MICALL1: variants seen among roughly 807,000 people sequenced by gnomAD.
MICALL1 encodes the protein MICAL like 1, also known as MICAL-like protein 1.
Under a neutral mutation model 83.7 loss-of-function variants are expected in MICALL1, and 61 were observed. The ratio of observed to expected loss-of-function variants is 0.73; its 90% confidence interval spans 0.59 to 0.90. The LOEUF is 0.90. Ranked by LOEUF, MICALL1 falls within the 40% of genes least tolerant of loss-of-function variation. MICALL1 has a pLI of 0.00. For missense variants in MICALL1, 1,066 were observed against 1,152.0 expected (o/e 0.93, Z 1.08); for synonymous variants, 481 against 473.6 (o/e 1.02, Z -0.20).
intron 9 of MICALL1, among the ~76,000 whole-genome samples, chr22:37,929,244 G>C (rs1341533246): frequency 1.3e-5 from 2 of 152,184 alleles, no homozygotes; most frequent in Non-Finnish European, 2.9e-5. Flanking sequence ...CTTCTGCAGA[G>C]ACCTGGGTCT....
Position 37,924,691 on chromosome 22 carries a change from G to A in MICALL1, c.1056G>A (p.Pro352=), listed in dbSNP as rs147560297. The A allele has an allele frequency of 7.0e-5, 113 of 1,612,130 alleles. No individual in the cohort carries two copies. The highest frequency in any genetic ancestry group is 9.9e-5 in the South Asian group (9 of 90,802). The part of the protein sequence containing the change: ...GRLHELPVPK[P]RGTPKPSEGT... Reference sequence around the variant, plus strand: ...TGCACGAACTGCCTGTCCCCAAGCCGAGGGGGACACCGAAGCCGTCCGAGG... The same window carrying A: ...TGCACGAACTGCCTGTCCCCAAGCCAAGGGGGACACCGAAGCCGTCCGAGG... The change falls in exon 7 of 16, where the codon CCG becomes CCA. Residue 352 remains proline, a synonymous_variant. Transcript: ENST00000215957. This position sits in a 1 kb window ranked among gnomAD's most constrained non-coding sequence, Gnocchi z 5.2.
chr22:37,917,738 A>G lies in MICALL1; in HGVS notation c.369A>G (p.Ala123=), dbSNP rs1293589711. The part of the protein sequence containing the change: ...AGVSPPRKGL[A]PCSPPSVAPT... The stretch of plus-strand genomic sequence containing the variant: ...TCTCGCCACCCAGAAAGGGCCTTGC[A>G]CCCTGTTCCCCGCCGTCTGTAGCAC... Residue 123 remains alanine (A), a synonymous_variant, in exon 4 of 16, where the codon GCA becomes GCG. Coordinates refer to ENST00000215957, the MANE Select transcript of MICALL1 (RefSeq NM_033386.4). 6.2e-7 allele frequency: 1 copy of G among 1,613,488 alleles called. No homozygotes were observed. The highest frequency in any genetic ancestry group is 1.3e-5 in the African/African-American group (1 of 74,818).
chr22:37,912,606 T>C, intron 3 of MICALL1, 114 bp downstream of exon 3: 1 of 942,750 alleles, frequency 1.1e-6, no homozygotes, highest in Non-Finnish European at 1.5e-6. Flanking sequence ...GAGTGTGTCA[T>C]TCATTTACTT....
At position 37,932,064 on chromosome 22, in the gene MICALL1, A is replaced by T. The variant is rs888053645; in HGVS notation, c.2016+131A>T. On this transcript the variant is annotated intron_variant, in intron 10 of 15. Transcript: ENST00000215957. The surrounding 1 kb of genome is among the most constrained non-coding windows in gnomAD (Gnocchi z 4.4). ...GTGGGCCTCAGATGCTCAAGAGAGC[A>T]CTCTTGGCGGCCCAACTGGAAGGTC... 11 of 1,352,362 alleles carry T rather than the reference A, an allele frequency of 8.1e-6. No individual in the cohort carries two copies. Among genetic ancestry groups the T allele is most frequent in the African/African-American group, 1.5e-5 (1 of 68,154 alleles). The allele number at this position is 1,352,362 out of a possible 1,614,324, so 83.8% of individuals were successfully genotyped here.
At chr22:37,936,992 T>C in intron 13 of MICALL1, 88 bp from the exon 14 acceptor site, 1 of 1,100,194 alleles carries the variant, frequency 9.1e-7, no homozygotes, top group South Asian at 1.4e-5. Context: ...GGGGCTGGCC[T>C]GCCGCACTTA....
chr22:37,927,762 T>C lies in MICALL1; in HGVS notation c.1817T>C (p.Leu606Ser), dbSNP rs1487400577. ...AGTGGCGCCACCCCAACGCCTCTCT[T>C]GTTGGTTGGAGACAGGAGCCCGGTG... The part of the protein sequence containing the change: ...PCSGATPTPL[L>S]LVGDRSPVPS... Residue 606 changes from leucine to serine, a missense_variant, in exon 9 of 16, where the codon TTG becomes TCG. Transcript: ENST00000215957. 1 of 1,613,484 alleles carries C rather than the reference T, an allele frequency of 6.2e-7. No individual in the cohort carries two copies. The highest frequency in any genetic ancestry group is 8.5e-7 in the Non-Finnish European group (1 of 1,179,908).
At chr22:37,935,588 T>G (rs1930072753) in intron 13 of MICALL1, among the ~76,000 whole-genome samples, 1 of 151,868 alleles carries the variant, frequency 6.6e-6, no homozygotes, top group African/African-American at 2.4e-5. Context: ...AGTGTCACTG[T>G]GACATCCAGG....
chr22:37,933,292 A>AG, intron 13 of MICALL1, among the ~76,000 whole-genome samples, 180 bp downstream of exon 13: 1 of 152,092 alleles, frequency 6.6e-6, no homozygotes, highest in Admixed American at 6.6e-5. Context: ...AGACTGTAAC[A>AG]GGCAGTAAGC....
chr22:37,935,891 C>T (rs1455505222), intron 13 of MICALL1, among the ~76,000 whole-genome samples: 5 of 152,076 alleles, frequency 3.3e-5, no homozygotes, highest in East Asian at 3.9e-4. Flanking sequence ...CACCACACCC[C>T]GCTAATTTTT....
intron 1 of MICALL1, 52 bp from the exon 2 acceptor site, chr22:37,911,899 AT>A: frequency 6.3e-7 from 1 of 1,585,200 alleles, no homozygotes; most frequent in Non-Finnish European, 8.7e-7. Flanking sequence ...CCCCGCCCCT[AT>A]TTCCCAGTCA....
At chr22:37,914,831 G>A (rs952773896) in intron 3 of MICALL1, among the ~76,000 whole-genome samples, 5 of 150,966 alleles carry the variant, frequency 3.3e-5, no homozygotes, top group Admixed American at 6.6e-5. Context: ...TTGTAGAGGT[G>A]GAGTATCACC....
At chr22:37,918,044 G>A (rs975338040) in intron 4 of MICALL1, among the ~76,000 whole-genome samples, 1 of 152,216 alleles carries the variant, frequency 6.6e-6, no homozygotes, top group Middle Eastern at 3.2e-3. Context: ...GGACTCAGGT[G>A]GGGTCAGGAG....
At chr22:37,907,813 T>TA (rs1928062061) in intron 1 of MICALL1, among the ~76,000 whole-genome samples, 1 of 152,098 alleles carries the variant, frequency 6.6e-6, no homozygotes, top group Non-Finnish European at 1.5e-5. Flanking sequence ...GATGAGGTGG[T>TA]CATGTAGGTG....
At chr22:37,910,416 T>G (rs191949989) in intron 1 of MICALL1, among the ~76,000 whole-genome samples, 1 of 152,058 alleles carries the variant, frequency 6.6e-6, no homozygotes. Flanking sequence ...AAGCCTCTGT[T>G]GGGGGCTGGG....
At position 37,941,853 on chromosome 22, in the gene MICALL1, A is replaced by T. The variant is rs1018977399; in HGVS notation, c.*1023A>T. ...TGGGGACCGCCACCTTTTCTGCAGG[A>T]AATGTGCCCAGCAGCTCTTGGTCAA... On this transcript the variant is annotated 3_prime_UTR_variant, in exon 16 of 16. Transcript: ENST00000215957. The T allele has an allele frequency of 1.3e-5, 2 of 152,338 alleles. No individual in the cohort carries two copies. Among genetic ancestry groups the T allele is most frequent in the Non-Finnish European group, 2.9e-5 (2 of 68,182 alleles). The allele number at this position is 152,338 out of a possible 1,614,324, so 9.4% of individuals were successfully genotyped here. A position where few individuals can be genotyped will look rare whatever the true frequency, so the allele number is the denominator to read the frequency against.
At position 37,916,328 on chromosome 22, in the gene MICALL1, A is replaced by G. The variant is rs557950677; in HGVS notation, c.338-1379A>G. The stretch of plus-strand genomic sequence containing the variant: ...AATGTATTTTCATACCTTCTCTAAT[A>G]AATCTGCCTTTTGTAATAAAAAAGA... On this transcript the variant is annotated intron_variant, in intron 3 of 15. Coordinates refer to ENST00000215957, the MANE Select transcript of MICALL1 (RefSeq NM_033386.4). 2.8e-4 allele frequency among the ~76,000 whole-genome samples: 43 copies of G among 152,306 alleles called. 1 individual carries two copies. The highest frequency in any genetic ancestry group is 2.5e-3 in the South Asian group (12 of 4,828).
rs753395941 is a variant in MICALL1 at position 37,933,030 on chromosome 22, C to CA, written c.2235-8dup. 2.0e-5 allele frequency: 33 copies of CA among 1,613,980 alleles called. No homozygotes were observed. The highest frequency in any genetic ancestry group is 2.8e-5 in the Non-Finnish European group (33 of 1,180,000). On this transcript the variant is annotated splice_polypyrimidine_tract_variant and intron_variant, in intron 12 of 15. Transcript: ENST00000215957. ...GAATTGTTAAGAGTCACCTTATTCC[C>CA]ACCCCTAGCTTCAAGCAGCAGAACC...
intron 2 of MICALL1, 101 bp from the exon 3 acceptor site, chr22:37,912,250 C>G: frequency 7.0e-7 from 1 of 1,422,988 alleles, no homozygotes; most frequent in Non-Finnish European, 9.6e-7. Flanking sequence ...GTCACCCCAT[C>G]CCACTGAAGG....
chr22:37,940,585 C>T, intron 15 of MICALL1, 124 bp from the exon 16 acceptor site: 1 of 1,196,106 alleles, frequency 8.4e-7, no homozygotes, highest in Non-Finnish European at 1.2e-6. Flanking sequence ...AGGCTCCACA[C>T]AGGAAGTGGT....
Sources: gnomAD v4.1 joint callset for allele counts (sites outside exome capture counted in the v4.1 genomes callset) on GRCh38, gnomAD v4.1.1 for gene constraint, Gnocchi (gnomAD v3.1) non-coding constraint, MANE v1.5 for transcripts, NCBI Gene and HGNC (gene_info 2026-07-23, HGNC 2026-07-21) for gene names.